Variants in RNLS observed in about 807,000 individuals in gnomAD.
RNLS encodes the protein renalase, FAD dependent amine oxidase.
In RNLS, 39 loss-of-function variants were observed where a neutral mutation model predicts 39.8. The observed-to-expected ratio is 0.98, with a 90% CI of 0.76 to 1.28. The LOEUF (loss-of-function observed/expected upper bound fraction) is 1.28. Ranked by LOEUF, RNLS falls within the 50% of genes most tolerant of loss-of-function variation. RNLS has a pLI of 0.00. For missense variants in RNLS, 410 were observed against 413.3 expected (o/e 0.99, Z 0.07); for synonymous variants, 147 against 150.7 (o/e 0.98, Z 0.18).
At chr10:88,494,381 G>A (rs1167018065) in intron 4 of RNLS, among the ~76,000 whole-genome samples, 3 of 152,122 alleles carry the variant, frequency 2.0e-5, no homozygotes, top group African/African-American at 7.2e-5. Flanking sequence ...TCTCTTCTGG[G>A]CCAGTGGGGA....
At chr10:88,571,996 A>T (rs1849866470) in intron 4 of RNLS, among the ~76,000 whole-genome samples, 1 of 152,158 alleles carries the variant, frequency 6.6e-6, no homozygotes, top group South Asian at 2.1e-4. Flanking sequence ...GTGGCAGGAA[A>T]AAGATGTCTG....
At chr10:88,389,168 C>T (rs1852047734) in intron 4 of RNLS, among the ~76,000 whole-genome samples, 1 of 152,086 alleles carries the variant, frequency 6.6e-6, no homozygotes, top group Admixed American at 6.6e-5. Flanking sequence ...AATTAAAATC[C>T]ACCCTGAAAT....
intron 4 of RNLS, among the ~76,000 whole-genome samples, chr10:88,411,402 T>C (rs974324276): frequency 3.3e-5 from 5 of 152,182 alleles, no homozygotes; most frequent in African/African-American, 9.6e-5. Context: ...GTACACATGT[T>C]TGTTATTAGG....
intron 4 of RNLS, among the ~76,000 whole-genome samples, chr10:88,365,516 AAC>A (rs61386966): frequency 0.085 from 12,319 of 145,720 alleles, 607 homozygotes; most frequent in Admixed American, 0.14. Context: ...AGGATTATAT[AAC>A]ACACACACAC....
chr10:88,275,344 T>C (rs564201871), intron 6 of RNLS, among the ~76,000 whole-genome samples: 106 of 152,300 alleles, frequency 7.0e-4, no homozygotes, highest in Non-Finnish European at 1.4e-3. Context: ...TTAAAACATA[T>C]AGAATATATA....
the RNLS span, among the ~76,000 whole-genome samples, chr10:88,241,067 G>T: frequency 6.6e-6 from 1 of 150,624 alleles, no homozygotes; most frequent in African/African-American, 2.4e-5. Flanking sequence ...TATTCCATCT[G>T]GATTGCTTGC....
chr10:88,515,265 T>C (rs1376782247), intron 4 of RNLS, among the ~76,000 whole-genome samples: 1 of 152,116 alleles, frequency 6.6e-6, no homozygotes, highest in African/African-American at 2.4e-5. Flanking sequence ...TATAAATTTA[T>C]TTGTAAATGG....
chr10:88,284,187 A>C lies in RNLS; in HGVS notation c.*1167T>G, dbSNP rs1014040459. ...GGGTCATAAAACCCACTTTGCAGCT[A>C]TAGAAGCAAGTTCTGCCTGTGCCTG... is the stretch of plus-strand genomic sequence containing the variant. On this transcript the variant is annotated 3_prime_UTR_variant, in exon 7 of 7. Coordinates refer to ENST00000331772, the MANE Select transcript of RNLS (RefSeq NM_001031709.3). 1.0e-6 allele frequency: 1 copy of C among 985,366 alleles called. No homozygotes were observed. The highest frequency in any genetic ancestry group is 1.7e-5 in the African/African-American group (1 of 57,344). 61.0% of individuals were successfully genotyped at this position (985,366 alleles called of 1,614,324 possible). A position where few individuals can be genotyped will look rare whatever the true frequency, so the allele number is the denominator to read the frequency against.
chr10:88,497,927 A>C (rs1469161542), intron 4 of RNLS, among the ~76,000 whole-genome samples: 1 of 110,422 alleles, frequency 9.1e-6, no homozygotes, highest in Non-Finnish European at 1.8e-5. Flanking sequence ...AATAGTGTTC[A>C]AGAGGTTATT....
Position 88,581,716 on chromosome 10 carries a change from T to C in RNLS, c.225-7A>G, listed in dbSNP as rs768965711. On this transcript the variant is annotated splice_region_variant and splice_polypyrimidine_tract_variant and intron_variant, in intron 2 of 6. Coordinates refer to ENST00000331772, the MANE Select transcript of RNLS (RefSeq NM_001031709.3). ...TAACAGTTCATCATAAAAACTGAAA[T>C]AAATCAATATGTATATTTAATGTAA... The C allele has an allele frequency of 1.3e-5, 20 of 1,542,160 alleles. No homozygotes were observed. Among genetic ancestry groups the C allele is most frequent in the Non-Finnish European group, 1.7e-5 (20 of 1,145,018 alleles).
At chr10:88,497,857 T>C (rs933620007) in intron 4 of RNLS, among the ~76,000 whole-genome samples, 17 of 151,984 alleles carry the variant, frequency 1.1e-4, no homozygotes, top group Non-Finnish European at 1.5e-4. Flanking sequence ...ATAAAAAAGT[T>C]TGTGCCAACT....
intron 4 of RNLS, among the ~76,000 whole-genome samples, chr10:88,539,422 T>C (rs1165664634): frequency 6.6e-6 from 1 of 152,100 alleles, no homozygotes; most frequent in African/African-American, 2.4e-5. Flanking sequence ...AGAGACAGAA[T>C]ACAAATTCGT....
At chr10:88,282,478 TACACACACACACACACACACACACAC>T (rs60829171), downstream of RNLS, among the ~76,000 whole-genome samples, 3 of 142,932 alleles carry the variant, frequency 2.1e-5, no homozygotes, top group Non-Finnish European at 3.0e-5. Flanking sequence ...AAAGTGAAAA[TACACACACACACACACACACACACAC>T]ACACACACAC....
the RNLS span, among the ~76,000 whole-genome samples, chr10:88,192,189 C>A: frequency 1.3e-5 from 2 of 152,056 alleles, no homozygotes; most frequent in South Asian, 4.2e-4. Flanking sequence ...AAACATGCAC[C>A]ACGGGACCTT....
chr10:88,551,598 G>C (rs1053485438), intron 4 of RNLS, among the ~76,000 whole-genome samples: 1 of 152,082 alleles, frequency 6.6e-6, no homozygotes, highest in South Asian at 2.1e-4. Context: ...AACATCTAGT[G>C]CTTGTGATCA....
At chr10:88,495,362 G>A (rs991804013) in intron 4 of RNLS, among the ~76,000 whole-genome samples, 1 of 152,082 alleles carries the variant, frequency 6.6e-6, no homozygotes, top group African/African-American at 2.4e-5. Flanking sequence ...CAAGAGGGAG[G>A]GGGGATCATT....
intron 4 of RNLS, among the ~76,000 whole-genome samples, chr10:88,455,872 T>A (rs6586139): frequency 6.6e-6 from 1 of 151,968 alleles, no homozygotes; most frequent in South Asian, 2.1e-4. Context: ...TCCCAATGCA[T>A]GCCCACTCAT....
chr10:88,211,587 CAG>C, the RNLS span, among the ~76,000 whole-genome samples: 2 of 152,088 alleles, frequency 1.3e-5, no homozygotes, highest in African/African-American at 4.8e-5. Context: ...AGGTGAAAGA[CAG>C]GGGAAAAGAC....
intron 4 of RNLS, among the ~76,000 whole-genome samples, chr10:88,443,234 C>T (rs1234881342): frequency 6.6e-6 from 1 of 152,168 alleles, no homozygotes; most frequent in East Asian, 1.9e-4. Flanking sequence ...ATTTTCTACA[C>T]TGCGGCCAGA....
Sources: gnomAD v4.1 joint callset for allele counts (sites outside exome capture counted in the v4.1 genomes callset) on GRCh38, gnomAD v4.1.1 for gene constraint, MANE v1.5 for transcripts, NCBI Gene and HGNC (gene_info 2026-07-23, HGNC 2026-07-21) for gene names.